The following CHD9 variants were observed in gnomAD, a reference collection of about 807,000 sequenced individuals.
CHD9 encodes chromodomain helicase DNA binding protein 9.
In CHD9, 77 loss-of-function variants were observed where a neutral mutation model predicts 316.1. The observed-to-expected ratio is 0.24, with a 90% CI of 0.20 to 0.29. The LOEUF (loss-of-function observed/expected upper bound fraction) is 0.29, where lower values mean the gene tolerates loss of function less well. Ranked by LOEUF, CHD9 falls within the 10% of genes least tolerant of loss-of-function variation. CHD9 has a pLI of 1.00. For missense variants in CHD9, 2,763 were observed against 3,438.1 expected (o/e 0.80, Z 4.91); for synonymous variants, 1,129 against 1,158.3 (o/e 0.97, Z 0.51).
At chr16:53,259,872 T>A (rs1054286557) in intron 19 of CHD9, among the ~76,000 whole-genome samples, 2 of 152,212 alleles carry the variant, frequency 1.3e-5, no homozygotes, top group African/African-American at 4.8e-5. Context: ...TTTACCAGAT[T>A]GGTTAAATCT....
intron 1 of CHD9, among the ~76,000 whole-genome samples, chr16:53,153,123 G>GC (rs1200501356): frequency 1.2e-4 from 19 of 152,178 alleles, no homozygotes; most frequent in African/African-American, 4.6e-4. Context: ...AGGTCCGTAT[G>GC]CCCTCAGGTC....
Position 53,326,685 on chromosome 16 carries a change from A to G in CHD9, c.*1790A>G, listed in dbSNP as rs1176606912. 3 of 152,424 alleles carry G rather than the reference A, an allele frequency of 2.0e-5. No individual in the cohort carries two copies. Among genetic ancestry groups the G allele is most frequent in the African/African-American group, 4.8e-5 (2 of 41,452 alleles). 9.4% of individuals were successfully genotyped at this position (152,424 alleles called of 1,614,324 possible). On this transcript the variant is annotated 3_prime_UTR_variant, in exon 39 of 39. Coordinates refer to ENST00000447540, the MANE Select transcript of CHD9 (RefSeq NM_001308319.2). Reference sequence around the variant, plus strand: ...TAATTCTTCATCATGAAAATGATATATTACATATTTAGTATCTTCCCTTTG... The same window carrying G: ...TAATTCTTCATCATGAAAATGATATGTTACATATTTAGTATCTTCCCTTTG...
intron 1 of CHD9, among the ~76,000 whole-genome samples, chr16:53,095,604 C>T (rs1028628767): frequency 5.3e-5 from 8 of 152,168 alleles, no homozygotes; most frequent in African/African-American, 1.9e-4. Context: ...ATGCAGCTTT[C>T]TTGGGTATAC....
chr16:53,223,036 A>C (rs1000698644), intron 4 of CHD9, among the ~76,000 whole-genome samples: 2 of 152,196 alleles, frequency 1.3e-5, no homozygotes, highest in Non-Finnish European at 2.9e-5. Context: ...GGCTTTTAGC[A>C]TGGAGGAGTA....
chr16:53,232,711 C>A (rs1472199281), intron 10 of CHD9, among the ~76,000 whole-genome samples: 1 of 152,128 alleles, frequency 6.6e-6, no homozygotes, highest in African/African-American at 2.4e-5. Context: ...AGAATATGAT[C>A]TAATGCAGAA....
chr16:53,204,885 CCAGGCT>C (rs1313249437), intron 2 of CHD9, among the ~76,000 whole-genome samples: 1 of 151,398 alleles, frequency 6.6e-6, no homozygotes, highest in East Asian at 1.9e-4. Context: ...GCTCTGTTGC[CCAGGCT>C]AGAGTACGGT....
chr16:53,130,542 G>A (rs920424042), intron 1 of CHD9, among the ~76,000 whole-genome samples: 2 of 149,536 alleles, frequency 1.3e-5, no homozygotes, highest in African/African-American at 4.9e-5. Flanking sequence ...GGCGGCCGCG[G>A]CGGGGCTGCC....
In CHD9 at chr16:53,304,569, C is replaced by T; in HGVS notation, c.6563C>T (p.Ser2188Phe). Residue 2188 changes from serine to phenylalanine, a missense_variant, in exon 31 of 39, where the codon TCC (serine) becomes TTC (phenylalanine). Physicochemically the swap from Ser to Phe is radical, Grantham distance 155. Around this residue, in one of 15 missense-constraint regions of CHD9, gnomAD observed 663 missense variants for 751.2 expected, o/e 0.88. Coordinates refer to ENST00000447540, the MANE Select transcript of CHD9 (RefSeq NM_001308319.2). ...SSSSTSSSSSSSSSSSEESDS... is the reference protein window; with the variant it reads ...SSSSTSSSSSFSSSSSEESDS... ...TCCTCCACCTCTTCCTCCTCCTCCT[C>T]CTCTTCATCTTCATCAGAAGAAAGT... 1 of 1,549,348 alleles carries T rather than the reference C, an allele frequency of 6.5e-7. No individual in the cohort carries two copies.
intron 36 of CHD9, among the ~76,000 whole-genome samples, chr16:53,316,898 A>T (rs1243098187): frequency 6.6e-6 from 1 of 152,144 alleles, no homozygotes; most frequent in Non-Finnish European, 1.5e-5. Flanking sequence ...TCTAGGCAAT[A>T]TAGAATTATT....
chr16:53,105,164 T>C (rs183047446), intron 1 of CHD9, among the ~76,000 whole-genome samples: 3 of 152,238 alleles, frequency 2.0e-5, no homozygotes, highest in Admixed American at 2.0e-4. Flanking sequence ...TTAAGTTTAT[T>C]TATTTCAGTA....
rs2056208968 is a variant in CHD9, at chr16:53,308,739, A to G, written c.7107A>G (p.Pro2369=). The G allele has an allele frequency of 1.9e-6, 3 of 1,613,372 alleles. No individual in the cohort carries two copies. The highest frequency in any genetic ancestry group is 1.3e-5 in the African/African-American group (1 of 74,908). ...FQKQGLAQKR[P]FDGEDGALGQ... is the part of the protein sequence containing the mutation. ...AGCAAGGGCTTGCTCAGAAAAGACC[A>G]TTTGATGGTGAAGACGGTGCTCTGG... Residue 2369 remains proline, a synonymous_variant, in exon 34 of 39, where the codon CCA becomes CCG. Transcript: ENST00000447540.
At chr16:53,145,671 A>G (rs922142647) in intron 1 of CHD9, among the ~76,000 whole-genome samples, 1 of 151,782 alleles carries the variant, frequency 6.6e-6, no homozygotes, top group African/African-American at 2.4e-5. Context: ...GCACCATTGC[A>G]CTCCAGCCTG....
chr16:53,158,191 CTAGAT>C (rs1161086003), intron 2 of CHD9, among the ~76,000 whole-genome samples: 1 of 152,012 alleles, frequency 6.6e-6, no homozygotes, highest in Non-Finnish European at 1.5e-5. Context: ...CAATTTGGTA[CTAGAT>C]TAAAGAATAT....
intron 1 of CHD9, among the ~76,000 whole-genome samples, chr16:53,136,078 TTATAAG>T (rs1342691924): frequency 5.9e-5 from 9 of 152,158 alleles, no homozygotes; most frequent in Non-Finnish European, 1.0e-4. Flanking sequence ...TTAATGGTGC[TTATAAG>T]TAGAAGTTAT....
intron 2 of CHD9, among the ~76,000 whole-genome samples, chr16:53,165,619 T>C (rs1213180567): frequency 6.6e-6 from 1 of 152,126 alleles, no homozygotes; most frequent in East Asian, 1.9e-4. Context: ...TCGATTGAAA[T>C]ACATTAGATA....
Position 53,304,054 on chromosome 16 carries a change from A to G in CHD9, c.6048A>G (p.Leu2016=). 2 of 1,614,052 alleles carry G rather than the reference A, an allele frequency of 1.2e-6. No homozygotes were observed. The highest frequency in any genetic ancestry group is 1.7e-6 in the Non-Finnish European group (2 of 1,179,884). The part of the protein sequence containing the change: ...MAHSRTSTPL[L]QQYQVALSAS... ...ATTCAAGGACTTCTACCCCACTTCTACAGCAATATCAAGTAGCACTTTCTG... is the reference window on the plus strand; with the variant it reads ...ATTCAAGGACTTCTACCCCACTTCTGCAGCAATATCAAGTAGCACTTTCTG... The change falls in exon 31 of 39, where the codon CTA becomes CTG. Residue 2016 remains leucine (L), a synonymous_variant. Transcript: ENST00000447540.
chr16:53,280,440 G>A (rs1308409940), intron 24 of CHD9, among the ~76,000 whole-genome samples: 2 of 151,890 alleles, frequency 1.3e-5, no homozygotes, highest in Admixed American at 1.3e-4. Context: ...AAAACCAAAC[G>A]TTATATGTTC....
chr16:53,297,413 T>C (rs1478469457), intron 30 of CHD9, among the ~76,000 whole-genome samples: 4 of 152,236 alleles, frequency 2.6e-5, no homozygotes, highest in Admixed American at 6.5e-5. Flanking sequence ...GATAGATTTA[T>C]GATTAGGAGG....
intron 1 of CHD9, among the ~76,000 whole-genome samples, chr16:53,125,629 C>T (rs2038939359): frequency 6.6e-6 from 1 of 152,152 alleles, no homozygotes; most frequent in Non-Finnish European, 1.5e-5. Context: ...TTTTCCCAGG[C>T]TAGAGATATA....
Sources: allele counts gnomAD v4.1 joint callset (sites outside exome capture counted in the v4.1 genomes callset), GRCh38; gene constraint gnomAD v4.1.1; regional missense constraint gnomAD v4.1.1; transcripts MANE v1.5; gene names NCBI Gene and HGNC (gene_info 2026-07-23, HGNC 2026-07-21).